ZFYVE28: variants seen among roughly 807,000 people sequenced by gnomAD.
ZFYVE28 encodes the protein lateral signaling target protein 2 homolog.
ZFYVE28 carries 40 observed loss-of-function variants against 82.1 expected under a neutral mutation model. The ratio of observed to expected loss-of-function variants is 0.49; its 90% confidence interval spans 0.38 to 0.63. The LOEUF (loss-of-function observed/expected upper bound fraction) is 0.63, where lower values mean the gene tolerates loss of function less well. Ranked by LOEUF, ZFYVE28 falls within the 30% of genes least tolerant of loss-of-function variation. ZFYVE28 has a pLI of 0.00. For synonymous variants in ZFYVE28, 612 were observed against 546.1 expected (o/e 1.12, Z -1.68); for missense variants, 1,321 against 1,242.1 (o/e 1.06, Z -0.96).
chr4:2,308,935 T>C (rs1717109990), intron 7 of ZFYVE28, among the ~76,000 whole-genome samples: 1 of 152,234 alleles, frequency 6.6e-6, no homozygotes, highest in Admixed American at 6.5e-5. Context: ...TAACATTTTA[T>C]AACTTTCAAT....
intron 8 of ZFYVE28, among the ~76,000 whole-genome samples, chr4:2,279,773 CCTT>C (rs1711706050): frequency 5.3e-5 from 8 of 149,764 alleles, no homozygotes; most frequent in Non-Finnish European, 1.0e-4. Context: ...GAGTGAGACT[CCTT>C]CAAAAAAAAA....
intron 8 of ZFYVE28, among the ~76,000 whole-genome samples, chr4:2,278,215 CTCTCTT>C (rs1348957230): frequency 6.7e-6 from 1 of 148,812 alleles, no homozygotes; most frequent in Non-Finnish European, 1.5e-5. Context: ...CTCAAAGATT[CTCTCTT>C]TTTTTTTTTT....
intron 1 of ZFYVE28, among the ~76,000 whole-genome samples, chr4:2,366,263 T>C (rs1490198637): frequency 6.6e-6 from 1 of 152,248 alleles, no homozygotes; most frequent in Non-Finnish European, 1.5e-5. Context: ...AATTTTTATT[T>C]AAAATGCTTT....
Position 2,305,228 on chromosome 4 carries a change from T to C in ZFYVE28, c.1112A>G (p.His371Arg), listed in dbSNP as rs1263154406. The stretch of plus-strand genomic sequence containing the variant: ...TGGGCTGCCCTCCGCTCCTGGCCTG[T>C]GAGCTGGGGACTGGCAGGCAATGGG... ...SPPIACQSPA[H>R]RPGAEGSPGG... Residue 371 changes from histidine (H) to arginine (R), a missense_variant, in exon 8 of 13, where the codon CAC becomes CGC. By Grantham distance (29) the His-to-Arg change is conservative. Transcript: ENST00000290974. The C allele has an allele frequency of 6.2e-7, 1 of 1,610,452 alleles. No individual in the cohort carries two copies. Among genetic ancestry groups the C allele is most frequent in the South Asian group, 1.1e-5 (1 of 90,910 alleles).
chr4:2,298,613 C>T lies in ZFYVE28; in HGVS notation c.2051+5676G>A, dbSNP rs1030864599. ...AGAAGCCTGTGAGACTCCTACCATT[C>T]TACCTAGAGCAACGGCCAGAGAGGA... On this transcript the variant is annotated intron_variant, in intron 8 of 12. Transcript: ENST00000290974. Among the ~76,000 whole-genome samples the T allele has an allele frequency of 3.3e-5, 5 of 152,228 alleles. No homozygotes were observed. The East Asian group carries it at 9.6e-4, about 29-fold the overall frequency.
intron 1 of ZFYVE28, among the ~76,000 whole-genome samples, chr4:2,377,633 T>C (rs568906254): frequency 6.6e-6 from 1 of 152,342 alleles, no homozygotes; most frequent in Non-Finnish European, 1.5e-5. Context: ...GGGCTCATTC[T>C]CTATCTTGCG....
intron 7 of ZFYVE28, among the ~76,000 whole-genome samples, chr4:2,314,968 G>GCCTCA (rs1489972264): frequency 6.6e-6 from 1 of 152,114 alleles, no homozygotes; most frequent in Non-Finnish European, 1.5e-5. Flanking sequence ...TAACTAGAGA[G>GCCTCA]CCTCACTATG....
At chr4:2,334,665 G>A (rs944804025) in intron 6 of ZFYVE28, among the ~76,000 whole-genome samples, 26 of 145,838 alleles carry the variant, frequency 1.8e-4, no homozygotes, top group African/African-American at 3.8e-4. Flanking sequence ...ACATCTCCAC[G>A]GGCATCTCTC....
intron 1 of ZFYVE28, among the ~76,000 whole-genome samples, chr4:2,373,233 C>T (rs982177763): frequency 1.3e-5 from 2 of 152,172 alleles, no homozygotes; most frequent in African/African-American, 4.8e-5. Flanking sequence ...TGCTGTGGCT[C>T]GTGCCTGTAA....
intron 8 of ZFYVE28, among the ~76,000 whole-genome samples, chr4:2,299,727 T>C (rs1356471730): frequency 9.1e-6 from 1 of 109,858 alleles, no homozygotes; most frequent in African/African-American, 3.6e-5. Flanking sequence ...TAGAGGAAAC[T>C]ATAAAACCAT....
intron 2 of ZFYVE28, among the ~76,000 whole-genome samples, chr4:2,346,164 TAAAAA>T (rs34720466): frequency 7.9e-6 from 1 of 126,488 alleles, no homozygotes. Context: ...CCGTCTCTAC[TAAAAA>T]AAAAAAAAAA....
intron 12 of ZFYVE28, 101 bp downstream of exon 12, chr4:2,271,210 G>A (rs1207070040): frequency 4.0e-6 from 5 of 1,250,876 alleles, no homozygotes; most frequent in South Asian, 2.7e-5. Context: ...CACAGGCCTC[G>A]CTGGCCTCCC....
intron 8 of ZFYVE28, among the ~76,000 whole-genome samples, chr4:2,279,606 T>G (rs187694343): frequency 7.2e-5 from 11 of 151,822 alleles, no homozygotes; most frequent in African/African-American, 2.7e-4. Flanking sequence ...GATGAAACCC[T>G]GTCTCTACTA....
chr4:2,382,451 G>A (rs113539976), intron 1 of ZFYVE28, among the ~76,000 whole-genome samples: 22 of 152,328 alleles, frequency 1.4e-4, no homozygotes, highest in African/African-American at 4.8e-4. Context: ...CTTGCACCAG[G>A]GTGACCTGGA....
chr4:2,350,034 GACACACAC>G (rs71644325), intron 2 of ZFYVE28, among the ~76,000 whole-genome samples: 8 of 148,732 alleles, frequency 5.4e-5, no homozygotes, highest in Non-Finnish European at 8.9e-5. Context: ...GTGACACACA[GACACACAC>G]ACACACACAC....
chr4:2,323,771 C>T (rs1011425678), intron 6 of ZFYVE28, among the ~76,000 whole-genome samples: 1 of 145,832 alleles, frequency 6.9e-6, no homozygotes, highest in African/African-American at 2.5e-5. Flanking sequence ...TCAATTCCCA[C>T]CTATGAGTGA....
Position 2,274,039 on chromosome 4 carries a change from G to C in ZFYVE28, c.2206+23C>G, listed in dbSNP as rs371523650. On this transcript the variant is annotated intron_variant, in intron 9 of 12. Transcript: ENST00000290974. ...CCCGTGTGTCCTCAAGCCATGCACC[G>C]GTCTCAGGCCCTGACATGACACCTG... is the stretch of plus-strand genomic sequence containing the variant. 1.3e-5 allele frequency: 21 copies of C among 1,612,514 alleles called. No individual in the cohort carries two copies. In the African/African-American group the frequency reaches 2.7e-4, roughly 20 times the overall value.
At chr4:2,310,340 T>C (rs1326562022) in intron 7 of ZFYVE28, among the ~76,000 whole-genome samples, 1 of 152,206 alleles carries the variant, frequency 6.6e-6, no homozygotes, top group Non-Finnish European at 1.5e-5. Context: ...TGCCCAGATA[T>C]ATTTCTCTTG....
intron 1 of ZFYVE28, among the ~76,000 whole-genome samples, chr4:2,412,044 C>T (rs1365638550): frequency 6.6e-6 from 1 of 152,198 alleles, no homozygotes; most frequent in East Asian, 1.9e-4. Context: ...CAGCATCTCC[C>T]CCCTGGGGCG....
Sources: allele counts gnomAD v4.1 joint callset (sites outside exome capture counted in the v4.1 genomes callset), GRCh38; gene constraint gnomAD v4.1.1; transcripts MANE v1.5; gene names NCBI Gene and HGNC (gene_info 2026-07-23, HGNC 2026-07-21).